The following STPG2 variants were observed in gnomAD, a reference collection of about 807,000 sequenced individuals.
STPG2 encodes sperm-tail PG-rich repeat-containing protein 2.
A neutral mutation model predicts 54.2 loss-of-function variants in STPG2; 56 were observed. The ratio of observed to expected loss-of-function variants is 1.03; its 90% confidence interval spans 0.83 to 1.29. The LOEUF is 1.29. Among genes scored for constraint, STPG2 ranks in the 50% most tolerant of loss-of-function variants. STPG2 has a pLI of 0.00. For missense variants in STPG2, 596 were observed against 544.9 expected (o/e 1.09, Z -0.93); for synonymous variants, 200 against 181.8 (o/e 1.10, Z -0.81).
At chr4:98,065,435 G>A (rs557694080) in intron 5 of STPG2, among the ~76,000 whole-genome samples, 3 of 151,974 alleles carry the variant, frequency 2.0e-5, no homozygotes, top group South Asian at 2.1e-4. Flanking sequence ...AAGTTATAAC[G>A]ACAATAAAAA....
chr4:98,081,385 T>C (rs1260094505), intron 5 of STPG2, among the ~76,000 whole-genome samples: 1 of 152,084 alleles, frequency 6.6e-6, no homozygotes, highest in Admixed American at 6.6e-5. Context: ...TGAGTTTCCA[T>C]TTCTAGATGC....
intron 8 of STPG2, among the ~76,000 whole-genome samples, chr4:97,877,970 C>A (rs1730238443): frequency 6.6e-6 from 1 of 151,974 alleles, no homozygotes; most frequent in Non-Finnish European, 1.5e-5. Context: ...GTAAATACAG[C>A]CATTCCAAAT....
intron 10 of STPG2, among the ~76,000 whole-genome samples, chr4:97,563,107 C>A (rs1179593977): frequency 2.0e-5 from 3 of 152,126 alleles, no homozygotes; most frequent in African/African-American, 7.2e-5. Flanking sequence ...TTGATTATTG[C>A]CACAATTTCA....
chr4:97,682,430 C>T (rs1723064869), intron 10 of STPG2, among the ~76,000 whole-genome samples: 1 of 151,744 alleles, frequency 6.6e-6, no homozygotes, highest in South Asian at 2.1e-4. Flanking sequence ...TTTCTAGCTT[C>T]CTGTAACCAT....
rs186022611 is a variant in STPG2, at chr4:98,016,182, T to C, written c.613-34864A>G. The stretch of plus-strand genomic sequence containing the variant: ...GTAACAAACCTGCACGCTCTGCACA[T>C]GTATCCCAGAACTTAAAGTACAACT... On this transcript the variant is annotated intron_variant, in intron 5 of 10. Coordinates refer to ENST00000295268, the MANE Select transcript of STPG2 (RefSeq NM_174952.3). Among the ~76,000 whole-genome samples the C allele has an allele frequency of 3.5e-4, 54 of 152,296 alleles. No homozygotes were observed. The East Asian group carries it at 4.4e-3, about 13-fold the overall frequency.
In STPG2 at chr4:97,981,978, G is replaced by A. The variant is rs977534968; in HGVS notation, c.613-660C>T. ...CGGCTCACTGCAAGCTCCACCTCCC[G>A]GGTTCACACCATTTTCCCGCCTCAG... is the stretch of plus-strand genomic sequence containing the variant. On this transcript the variant is annotated intron_variant, in intron 5 of 10. Coordinates refer to ENST00000295268, the MANE Select transcript of STPG2 (RefSeq NM_174952.3). 2.7e-5 allele frequency among the ~76,000 whole-genome samples: 4 copies of A among 150,564 alleles called. 1 individual carries two copies. Among genetic ancestry groups the A allele is most frequent in the South Asian group, 4.2e-4 (2 of 4,788 alleles).
chr4:98,008,167 G>GA (rs1189333992), intron 5 of STPG2, among the ~76,000 whole-genome samples: 6 of 151,976 alleles, frequency 3.9e-5, no homozygotes, highest in African/African-American at 1.2e-4. Context: ...TCATTGTGGA[G>GA]AAAAAATCCC....
chr4:97,785,510 G>A (rs757368284), intron 9 of STPG2, among the ~76,000 whole-genome samples: 1 of 151,932 alleles, frequency 6.6e-6, no homozygotes, highest in Non-Finnish European at 1.5e-5. Context: ...TTGTATATAC[G>A]TTTGTGTTCA....
intron 9 of STPG2, among the ~76,000 whole-genome samples, chr4:97,756,908 T>C (rs1186542760): frequency 6.6e-6 from 1 of 152,212 alleles, no homozygotes. Flanking sequence ...TTTGTTATCT[T>C]ATTCTCTTTT....
At chr4:97,540,370 T>C (rs1345257612) in intron 4 of STPG2, among the ~76,000 whole-genome samples, 1 of 151,830 alleles carries the variant, frequency 6.6e-6, no homozygotes. Flanking sequence ...AACTAGAAAA[T>C]GTAGAAGAAA....
At chr4:98,088,735 C>T (rs887892267) in intron 5 of STPG2, among the ~76,000 whole-genome samples, 2 of 150,742 alleles carry the variant, frequency 1.3e-5, no homozygotes, top group African/African-American at 4.9e-5. Flanking sequence ...CCATCTCAGG[C>T]AAGCTCCCTG....
chr4:97,668,241 G>A lies in STPG2; in HGVS notation c.1320+44458C>T, dbSNP rs1722586008. 2.6e-5 allele frequency among the ~76,000 whole-genome samples: 4 copies of A among 152,150 alleles called. No homozygotes were observed. In the South Asian group the frequency reaches 8.3e-4, roughly 32 times the overall value. On this transcript the variant is annotated intron_variant, in intron 10 of 10. Coordinates refer to ENST00000295268, the MANE Select transcript of STPG2 (RefSeq NM_174952.3). ...GCCAAAATAAAGGAAGATAGGCACA[G>A]AGACAGATACCATATTCTGGAATTA...
intron 9 of STPG2, among the ~76,000 whole-genome samples, chr4:97,798,443 C>T (rs1447059445): frequency 1.3e-5 from 2 of 152,084 alleles, no homozygotes; most frequent in Non-Finnish European, 2.9e-5. Flanking sequence ...GTTATGAACC[C>T]CATAGTCATT....
intron 6 of STPG2, among the ~76,000 whole-genome samples, chr4:97,978,633 C>T (rs1181350569): frequency 6.6e-6 from 1 of 152,028 alleles, no homozygotes; most frequent in African/African-American, 2.4e-5. Flanking sequence ...ATATGACAAT[C>T]CCACACATGT....
At chr4:97,792,295 G>A (rs894864333) in intron 9 of STPG2, among the ~76,000 whole-genome samples, 17 of 152,022 alleles carry the variant, frequency 1.1e-4, no homozygotes, top group African/African-American at 3.1e-4. Context: ...ACCTCTTAAC[G>A]TTTTTCTCTA....
chr4:97,877,681 G>A (rs1730228743), intron 8 of STPG2, among the ~76,000 whole-genome samples: 1 of 152,052 alleles, frequency 6.6e-6, no homozygotes. Flanking sequence ...CCACAACATG[G>A]GGGAATTACG....
At chr4:97,918,135 A>T (rs936863083) in intron 8 of STPG2, among the ~76,000 whole-genome samples, 3 of 152,034 alleles carry the variant, frequency 2.0e-5, no homozygotes, top group African/African-American at 7.2e-5. Context: ...TTGAGTAATT[A>T]TATTCATAAA....
intron 7 of STPG2, among the ~76,000 whole-genome samples, chr4:97,971,323 A>C (rs1734317025): frequency 6.6e-6 from 1 of 152,194 alleles, no homozygotes. Flanking sequence ...AGGGATTATA[A>C]ATCATGCTAC....
At chr4:97,711,669 CTTTT>C (rs1242814556) in intron 10 of STPG2, among the ~76,000 whole-genome samples, 2 of 133,698 alleles carry the variant, frequency 1.5e-5, no homozygotes. Context: ...TATTTACTTA[CTTTT>C]TTTTTTTTTT....
Sources: gnomAD v4.1 joint callset for allele counts (sites outside exome capture counted in the v4.1 genomes callset) on GRCh38, gnomAD v4.1.1 for gene constraint, MANE v1.5 for transcripts, NCBI Gene and HGNC (gene_info 2026-07-23, HGNC 2026-07-21) for gene names.